Variants in DCHS2 observed in about 807,000 individuals in gnomAD.
The protein encoded by DCHS2 is protocadherin-23.
DCHS2 carries 142 observed loss-of-function variants against 182.4 expected under a neutral mutation model. The observed-to-expected ratio is 0.78, with a 90% CI of 0.68 to 0.89. The LOEUF is 0.89. Among genes scored for constraint, DCHS2 ranks in the 40% least tolerant of loss-of-function variants. The pLI is 0.00. For synonymous variants in DCHS2, 1,740 were observed against 1,663.3 expected (o/e 1.05, Z -1.12); for missense variants, 4,319 against 4,198.6 (o/e 1.03, Z -0.79).
At chr4:154,252,974 C>CTGT (rs1553998078) in intron 16 of DCHS2, among the ~76,000 whole-genome samples, 2 of 151,922 alleles carry the variant, frequency 1.3e-5, no homozygotes, top group Admixed American at 6.6e-5. Context: ...CTAAATGAGA[C>CTGT]TGTTTCCAGA....
intron 3 of DCHS2, among the ~76,000 whole-genome samples, chr4:154,337,202 T>C (rs1728851168): frequency 6.6e-6 from 1 of 152,176 alleles, no homozygotes; most frequent in African/African-American, 2.4e-5. Context: ...AACTTGAATA[T>C]ACACAAATGT....
In DCHS2 at chr4:154,237,070, C is replaced by A; in HGVS notation, c.7582G>T (p.Asp2528Tyr). Reference sequence around the variant, plus strand: ...TCCACTAAAGTAAGAGCTCTCAGGTCAGGATTTCCACCATCACTGGCTTCC... The same window carrying A: ...TCCACTAAAGTAAGAGCTCTCAGGTAAGGATTTCCACCATCACTGGCTTCC... Reference protein sequence around the residue: ...LVEASDGGNPDLRALTLVEIG... With the variant: ...LVEASDGGNPYLRALTLVEIG... The change falls in exon 20 of 20, where the codon GAC (aspartate) becomes TAC (tyrosine). Residue 2528 changes from aspartate (D) to tyrosine (Y), a missense_variant. Asp to Tyr is a radical substitution (Grantham distance 160, BLOSUM62 -3). Coordinates refer to ENST00000357232, the MANE Select transcript of DCHS2 (RefSeq NM_001358235.2). The A allele has an allele frequency of 6.2e-7, 1 of 1,613,868 alleles. No homozygotes were observed. The highest frequency in any genetic ancestry group is 1.1e-5 in the South Asian group (1 of 91,060).
At chr4:154,389,154 A>G (rs1000267278) in intron 1 of DCHS2, among the ~76,000 whole-genome samples, 1 of 152,196 alleles carries the variant, frequency 6.6e-6, no homozygotes, top group African/African-American at 2.4e-5. Context: ...TTTTATTTAC[A>G]CATATCAATA....
intron 13 of DCHS2, among the ~76,000 whole-genome samples, chr4:154,286,787 A>G (rs79972238): frequency 2.0e-5 from 3 of 152,272 alleles, no homozygotes; most frequent in African/African-American, 7.2e-5. Context: ...TAAGAGTACA[A>G]AGTTTATTCA....
intron 1 of DCHS2, among the ~76,000 whole-genome samples, chr4:154,410,574 C>CAAAAAAAAAAAAA (rs1160670540): frequency 2.8e-5 from 1 of 35,364 alleles, no homozygotes; most frequent in African/African-American, 1.0e-4. Context: ...GACTCCATCT[C>CAAAAAAAAAAAAA]AAAAAAAAAA....
At chr4:154,251,291 A>T (rs1038151334) in intron 16 of DCHS2, among the ~76,000 whole-genome samples, 1 of 152,208 alleles carries the variant, frequency 6.6e-6, no homozygotes, top group African/African-American at 2.4e-5. Context: ...CACATCATAA[A>T]ATAAGCCCTG....
intron 1 of DCHS2, among the ~76,000 whole-genome samples, chr4:154,394,836 C>T (rs80217634): frequency 0.036 from 5,557 of 152,310 alleles, 133 homozygotes; most frequent in Non-Finnish European, 0.055. Context: ...AACAGTGTTT[C>T]CCTCAAGTCT....
At chr4:154,240,950 C>T (rs1731796738) in intron 17 of DCHS2, 127 bp from the exon 18 acceptor site, 2 of 1,404,712 alleles carry the variant, frequency 1.4e-6, no homozygotes, top group Admixed American at 2.4e-5. Context: ...GGCTTGATTT[C>T]TCATACAAAG....
intron 10 of DCHS2, among the ~76,000 whole-genome samples, chr4:154,309,478 A>G (rs1405511493): frequency 1.3e-5 from 2 of 152,152 alleles, no homozygotes; most frequent in African/African-American, 4.8e-5. Context: ...CTGATAATCC[A>G]AACATCTTCT....
intron 13 of DCHS2, among the ~76,000 whole-genome samples, chr4:154,276,678 C>G (rs1291546963): frequency 6.6e-6 from 1 of 152,174 alleles, no homozygotes; most frequent in Non-Finnish European, 1.5e-5. Context: ...TAAGAAAAGC[C>G]TGGAGTGACA....
intron 1 of DCHS2, among the ~76,000 whole-genome samples, chr4:154,387,047 G>T (rs1045386910): frequency 6.6e-6 from 1 of 152,100 alleles, no homozygotes; most frequent in South Asian, 2.1e-4. Context: ...CTTTTAAAAG[G>T]TTTAACCTTT....
chr4:154,358,987 A>C (rs1192939107), intron 3 of DCHS2, among the ~76,000 whole-genome samples: 1 of 151,792 alleles, frequency 6.6e-6, no homozygotes, highest in African/African-American at 2.4e-5. Context: ...AATAAAATGA[A>C]TAACTCTCTT....
chr4:154,487,349 G>A (rs922813018), intron 1 of DCHS2, among the ~76,000 whole-genome samples: 2 of 152,202 alleles, frequency 1.3e-5, no homozygotes, highest in Non-Finnish European at 2.9e-5. Context: ...GACATTGGCG[G>A]AAGTTGTGTA....
intron 5 of DCHS2, among the ~76,000 whole-genome samples, chr4:154,330,664 T>C (rs1736484774): frequency 6.6e-6 from 1 of 151,886 alleles, no homozygotes; most frequent in South Asian, 2.1e-4. Flanking sequence ...TTAATACAAA[T>C]AAAATAGCAT....
chr4:154,357,239 T>TA, intron 3 of DCHS2: 1 of 1,612,520 alleles, frequency 6.2e-7, no homozygotes, highest in Non-Finnish European at 8.5e-7. Flanking sequence ...TTAGCAGAGG[T>TA]AAAAACATCT....
chr4:154,282,291 G>A (rs113826426), intron 13 of DCHS2, among the ~76,000 whole-genome samples: 2 of 151,934 alleles, frequency 1.3e-5, no homozygotes, highest in African/African-American at 4.8e-5. Flanking sequence ...CTGATGAGAG[G>A]TTAATATCCA....
chr4:154,378,516 GGAAA>G (rs1381884881), intron 1 of DCHS2, among the ~76,000 whole-genome samples: 5 of 96,238 alleles, frequency 5.2e-5, no homozygotes, highest in South Asian at 7.2e-4. Context: ...AAGGAAGGAA[GGAAA>G]GAAGGAAGGA....
In DCHS2 at chr4:154,236,473, G is replaced by T. The variant is rs747838739; in HGVS notation, c.8179C>A (p.Pro2727Thr). ...ENTGVLYLIKPLDYEKMTKFT... is the reference protein window; with the variant it reads ...ENTGVLYLIKTLDYEKMTKFT... ...TTTGTCATTTTTTCATAATCCAGAG[G>T]TTTAATCAAATAAAGAACTCCAGTG... is the stretch of plus-strand genomic sequence containing the variant. Residue 2727 changes from proline (P) to threonine (T), a missense_variant, in exon 20 of 20, where the codon CCT (proline) becomes ACT (threonine). Coordinates refer to ENST00000357232, the MANE Select transcript of DCHS2 (RefSeq NM_001358235.2). The T allele has an allele frequency of 6.2e-7, 1 of 1,614,006 alleles. No individual in the cohort carries two copies. Among genetic ancestry groups the T allele is most frequent in the South Asian group, 1.1e-5 (1 of 91,072 alleles).
chr4:154,242,631 G>C lies in DCHS2; in HGVS notation c.7072+11C>G. On this transcript the variant is annotated intron_variant, in intron 17 of 19. Coordinates refer to ENST00000357232, the MANE Select transcript of DCHS2 (RefSeq NM_001358235.2). ...TTAATCAAAACCACTATGCCAAATT[G>C]TCACACTTACCTTCTGTAATTTCCA... 6.2e-7 allele frequency: 1 copy of C among 1,603,754 alleles called. No homozygotes were observed. The highest frequency in any genetic ancestry group is 8.5e-7 in the Non-Finnish European group (1 of 1,176,554).
Sources: allele counts gnomAD v4.1 joint callset (sites outside exome capture counted in the v4.1 genomes callset), GRCh38; gene constraint gnomAD v4.1.1; transcripts MANE v1.5; gene names NCBI Gene and HGNC (gene_info 2026-07-23, HGNC 2026-07-21).